SINHCAF: variants seen among roughly 807,000 people sequenced by gnomAD.
The protein encoded by SINHCAF is SIN3-HDAC complex-associated factor.
Under a neutral mutation model 25.8 loss-of-function variants are expected in SINHCAF, and 3 were observed. That is an observed-to-expected ratio of 0.12 (90% CI 0.05 to 0.30). The LOEUF (loss-of-function observed/expected upper bound fraction) is 0.30, where lower values mean the gene tolerates loss of function less well. Ranked by LOEUF, SINHCAF falls within the 10% of genes least tolerant of loss-of-function variation. The probability of loss-of-function intolerance (pLI) is 1.00; values close to 1 mark genes in which losing one functional copy is unlikely to be tolerated. For synonymous variants in SINHCAF, 70 were observed against 85.5 expected (o/e 0.82, Z 1.00); for missense variants, 121 against 262.3 (o/e 0.46, Z 3.72).
intron 4 of SINHCAF, among the ~76,000 whole-genome samples, chr12:31,292,369 C>T (rs1484343938): frequency 1.3e-5 from 2 of 151,922 alleles, no homozygotes; most frequent in East Asian, 3.9e-4. Context: ...CATGGTGGTG[C>T]ATGTCTGTAG....
In SINHCAF at chr12:31,290,525, A is replaced by G. The variant is rs17576143; in HGVS notation, c.356-2741T>C. Among the ~76,000 whole-genome samples the G allele has an allele frequency of 0.013, 1,942 of 152,252 alleles. 145 individuals are homozygous for G. In the East Asian group the frequency reaches 0.22, roughly 17 times the overall value. ...AAAGAAAGCCCCGTTAGTATTTTTA[A>G]TATGTTAACTTAGCAAACAAAATCC... On this transcript the variant is annotated intron_variant, in intron 4 of 5. Coordinates refer to ENST00000337682, the MANE Select transcript of SINHCAF (RefSeq NM_001135812.2).
intron 1 of SINHCAF, among the ~76,000 whole-genome samples, chr12:31,311,459 C>T (rs1209998893): frequency 6.6e-6 from 1 of 152,172 alleles, no homozygotes; most frequent in East Asian, 1.9e-4. Flanking sequence ...AATTCCTTAA[C>T]TATGGCCCAT....
intron 2 of SINHCAF, among the ~76,000 whole-genome samples, chr12:31,297,498 G>A (rs2137092191): frequency 9.5e-6 from 1 of 105,270 alleles, no homozygotes; most frequent in South Asian, 2.9e-4. Flanking sequence ...TTTTGAGACA[G>A]AGTCTCATTC....
At chr12:31,316,199 C>T (rs1424069918) in intron 1 of SINHCAF, among the ~76,000 whole-genome samples, 2 of 151,502 alleles carry the variant, frequency 1.3e-5, no homozygotes, top group African/African-American at 4.8e-5. Flanking sequence ...AAAAACCATG[C>T]CATAATTATA....
intron 1 of SINHCAF, chr12:31,311,623 G>A (rs1939273669): frequency 1.6e-5 from 6 of 368,184 alleles, no homozygotes; most frequent in Admixed American, 3.7e-5. Flanking sequence ...AAGCATGGCG[G>A]CTGCCAAGGT....
chr12:31,285,414 TAC>T (rs1258167143), intron 5 of SINHCAF, among the ~76,000 whole-genome samples: 1 of 43,916 alleles, frequency 2.3e-5, no homozygotes, highest in African/African-American at 7.2e-5. Flanking sequence ...TTTATATATA[TAC>T]ATACACACAC....
In SINHCAF at chr12:31,281,763, A is replaced by T. The variant is rs183309337; in HGVS notation, c.*949T>A. 7.9e-5 allele frequency: 12 copies of T among 152,312 alleles called. No individual in the cohort carries two copies. The highest frequency in any genetic ancestry group is 1.8e-4 in the Non-Finnish European group (12 of 68,028). The allele number at this position is 152,312 out of a possible 1,614,324, so 9.4% of individuals were successfully genotyped here. A position where few individuals can be genotyped will look rare whatever the true frequency, so the allele number is the denominator to read the frequency against. ...AAAGACTTGCCATTTCCCCAAGAGGAGCTTTGATTCTGCTTTAGAAGTTTT... is the reference window on the plus strand; with the variant it reads ...AAAGACTTGCCATTTCCCCAAGAGGTGCTTTGATTCTGCTTTAGAAGTTTT... On this transcript the variant is annotated 3_prime_UTR_variant, in exon 6 of 6. Coordinates refer to ENST00000337682, the MANE Select transcript of SINHCAF (RefSeq NM_001135812.2).
At chr12:31,283,999 A>G (rs1034073816) in intron 5 of SINHCAF, among the ~76,000 whole-genome samples, 6 of 152,206 alleles carry the variant, frequency 3.9e-5, no homozygotes, top group Non-Finnish European at 7.3e-5. Context: ...CTGTGAATAT[A>G]TAACACAGTT....
At position 31,282,864 on chromosome 12, in the gene SINHCAF, T is replaced by C; in HGVS notation, c.514A>G (p.Ile172Val). ...LDLTYWKRQK[I>V]CCGIIYKGRF... is the part of the protein sequence containing the mutation. ...CCTTTATAGATGATCCCACAACATA[T>C]CTTCTGTCTAAAAGAAAAAATGGAG... is the stretch of plus-strand genomic sequence containing the variant. The change falls in exon 6 of 6, where the codon ATA becomes GTA. Residue 172 changes from isoleucine (I) to valine (V), a missense_variant. Physicochemically the swap from Ile to Val is conservative, Grantham distance 29. Transcript: ENST00000337682. 6.3e-7 allele frequency: 1 copy of C among 1,590,500 alleles called. No individual in the cohort carries two copies. Among genetic ancestry groups the C allele is most frequent in the Non-Finnish European group, 8.5e-7 (1 of 1,173,098 alleles).
chr12:31,308,018 C>A (rs937766906), intron 1 of SINHCAF, among the ~76,000 whole-genome samples: 1 of 152,202 alleles, frequency 6.6e-6, no homozygotes, highest in Non-Finnish European at 1.5e-5. Context: ...CGGCTCACTG[C>A]AACCTCTGCC....
intron 1 of SINHCAF, among the ~76,000 whole-genome samples, chr12:31,323,154 C>G (rs1939769445): frequency 6.6e-6 from 1 of 152,150 alleles, no homozygotes; most frequent in Admixed American, 6.5e-5. Context: ...CACTGAATAA[C>G]CACCAAACAC....
intron 1 of SINHCAF, chr12:31,311,855 T>C (rs1240338414): frequency 2.1e-5 from 10 of 485,152 alleles, no homozygotes; most frequent in East Asian, 5.3e-5. Context: ...GCGTTGATGA[T>C]GCTAAGTTTG....
rs974904740 is a variant in SINHCAF, at chr12:31,303,228, T to C, written c.-20-5004A>G. The C allele has an allele frequency of 3.0e-6, 3 of 985,394 alleles. No individual in the cohort carries two copies. The African/African-American group carries it at 5.2e-5, about 17-fold the overall frequency. 61.0% of individuals were successfully genotyped at this position (985,394 alleles called of 1,614,324 possible). On this transcript the variant is annotated intron_variant, in intron 1 of 5. Coordinates refer to ENST00000337682, the MANE Select transcript of SINHCAF (RefSeq NM_001135812.2). ...TGTGTCAACCCATTTTTCCTTGTAT[T>C]TCCACATTTTCCCCCTTTTGATCAA...
At chr12:31,298,301 C>G in intron 1 of SINHCAF, 77 bp from the exon 2 acceptor site, 1 of 1,556,016 alleles carries the variant, frequency 6.4e-7, no homozygotes, top group Non-Finnish European at 8.8e-7. Flanking sequence ...CTCTGCTCCA[C>G]CCCACCCCCA....
chr12:31,285,606 C>T (rs1033609113), intron 5 of SINHCAF, among the ~76,000 whole-genome samples: 1 of 152,098 alleles, frequency 6.6e-6, no homozygotes, highest in Non-Finnish European at 1.5e-5. Flanking sequence ...TCCTGCTCTA[C>T]TTACTATGTA....
At chr12:31,299,215 T>C (rs12296381) in intron 1 of SINHCAF, among the ~76,000 whole-genome samples, 1,645 of 152,184 alleles carry the variant, frequency 0.011, 25 homozygotes, top group African/African-American at 0.037. Flanking sequence ...GCAATGAATA[T>C]AGAAACTAAA....
At chr12:31,295,455 T>A in intron 2 of SINHCAF, 122 bp from the exon 3 acceptor site, 1 of 657,626 alleles carries the variant, frequency 1.5e-6, no homozygotes, top group Non-Finnish European at 2.7e-6. Flanking sequence ...TTAATCATCC[T>A]GGATGATCCC....
At chr12:31,298,304 C>T (rs1565494881) in intron 1 of SINHCAF, 80 bp from the exon 2 acceptor site, 5 of 1,540,522 alleles carry the variant, frequency 3.2e-6, no homozygotes, top group Non-Finnish European at 3.5e-6. Context: ...TGCTCCACCC[C>T]ACCCCCAAGC....
intron 1 of SINHCAF, among the ~76,000 whole-genome samples, chr12:31,317,338 T>C (rs868824975): frequency 6.8e-6 from 1 of 147,608 alleles, no homozygotes; most frequent in Non-Finnish European, 1.5e-5. Context: ...CCTAAGTCTT[T>C]AAAAACAAAA....
Sources: gnomAD v4.1 joint callset for allele counts (sites outside exome capture counted in the v4.1 genomes callset) on GRCh38, gnomAD v4.1.1 for gene constraint, MANE v1.5 for transcripts, NCBI Gene and HGNC (gene_info 2026-07-23, HGNC 2026-07-21) for gene names.